The following KCNH1 variants were observed in gnomAD, a reference collection of about 807,000 sequenced individuals.
The protein encoded by KCNH1 is voltage-gated delayed rectifier potassium channel KCNH1.
A neutral mutation model predicts 69.2 loss-of-function variants in KCNH1; 27 were observed. The ratio of observed to expected loss-of-function variants is 0.39; its 90% confidence interval spans 0.29 to 0.54. KCNH1 has a LOEUF of 0.54. Ranked by LOEUF, KCNH1 falls within the 20% of genes least tolerant of loss-of-function variation. The pLI is 0.68. For missense variants in KCNH1, 798 were observed against 1,261.6 expected (o/e 0.63, Z 5.57); for synonymous variants, 456 against 487.7 (o/e 0.93, Z 0.86).
intron 10 of KCNH1, among the ~76,000 whole-genome samples, chr1:210,729,869 G>A (rs939997370): frequency 1.3e-5 from 2 of 152,172 alleles, no homozygotes; most frequent in African/African-American, 4.8e-5. Flanking sequence ...ATGTAATGCT[G>A]TAGCTTTTGC....
chr1:211,128,700 T>C (rs895090581), intron 1 of KCNH1, among the ~76,000 whole-genome samples: 6 of 152,128 alleles, frequency 3.9e-5, no homozygotes, highest in Non-Finnish European at 8.8e-5. Flanking sequence ...TACTGAACAA[T>C]TAAAAAGGTT....
intron 10 of KCNH1, among the ~76,000 whole-genome samples, chr1:210,692,440 G>C (rs1003790508): frequency 6.6e-6 from 1 of 152,068 alleles, no homozygotes; most frequent in South Asian, 2.1e-4. Flanking sequence ...GCTATCCTCC[G>C]GCATTTCACT....
At chr1:210,784,388 C>T (rs1455208269) in intron 9 of KCNH1, among the ~76,000 whole-genome samples, 3 of 152,218 alleles carry the variant, frequency 2.0e-5, no homozygotes, top group Admixed American at 6.5e-5. Context: ...GAACATACAT[C>T]AAAGACAGAC....
chr1:210,987,998 C>T (rs1410839980), intron 6 of KCNH1, among the ~76,000 whole-genome samples: 1 of 152,246 alleles, frequency 6.6e-6, no homozygotes, highest in African/African-American at 2.4e-5. Flanking sequence ...GCCCCTCCCC[C>T]AGCCTCGCTG....
At chr1:210,776,498 T>C (rs573154761) in intron 9 of KCNH1, among the ~76,000 whole-genome samples, 1 of 152,194 alleles carries the variant, frequency 6.6e-6, no homozygotes, top group Non-Finnish European at 1.5e-5. Flanking sequence ...AATTAAGTCA[T>C]GGGGGTGGAG....
intron 4 of KCNH1, among the ~76,000 whole-genome samples, chr1:211,086,287 C>A (rs556985902): frequency 1.3e-5 from 2 of 152,270 alleles, no homozygotes; most frequent in East Asian, 3.9e-4. Flanking sequence ...TCTTCAGTTT[C>A]AGGGGATATT....
At chr1:210,809,782 G>C (rs538644536) in intron 7 of KCNH1, among the ~76,000 whole-genome samples, 6 of 152,210 alleles carry the variant, frequency 3.9e-5, no homozygotes, top group South Asian at 2.1e-4. Context: ...TCTTTCAAAC[G>C]GGCTGGTTTC....
intron 10 of KCNH1, among the ~76,000 whole-genome samples, chr1:210,740,704 ATT>A (rs199727493): frequency 0.029 from 3,437 of 117,132 alleles, 84 homozygotes; most frequent in East Asian, 0.14. Context: ...TTATGATTAA[ATT>A]TTTTTTTTTT....
chr1:211,056,532 C>A (rs1221940163), intron 5 of KCNH1, among the ~76,000 whole-genome samples: 1 of 152,024 alleles, frequency 6.6e-6, no homozygotes, highest in Non-Finnish European at 1.5e-5. Flanking sequence ...AGCCCTTGGG[C>A]CTTGAGTGAA....
Position 210,919,295 on chromosome 1 carries a change from G to A in KCNH1, c.1462+345C>T, listed in dbSNP as rs1248706386. On this transcript the variant is annotated intron_variant, in intron 7 of 10. Transcript: ENST00000271751. The surrounding 1 kb of genome is among the most constrained non-coding windows in gnomAD (Gnocchi z 4.2). ...TTCTATGAGTAGTTTACTAAAGTGC[G>A]TATGCAGCAAGATCTCATTTTAAGT... 15 of 192,060 alleles carry A rather than the reference G, an allele frequency of 7.8e-5. No individual in the cohort carries two copies. The highest frequency in any genetic ancestry group is 5.8e-4 in the East Asian group (5 of 8,584). The allele number at this position is 192,060 out of a possible 1,614,324, so 11.9% of individuals were successfully genotyped here. A position where few individuals can be genotyped will look rare whatever the true frequency, so the allele number is the denominator to read the frequency against.
chr1:211,008,064 A>G (rs1689318129), intron 6 of KCNH1, among the ~76,000 whole-genome samples: 1 of 152,218 alleles, frequency 6.6e-6, no homozygotes. Context: ...TATACCCAAA[A>G]GAATTAAAAG....
rs1681310510 is a variant in KCNH1, at chr1:210,683,055, G to A, written c.*226C>T. ...AGCATGTCCCTTCTTCCAAAATTGT[G>A]CAAAGACGGTTCAGATGCAGCTGCC... On this transcript the variant is annotated 3_prime_UTR_variant, in exon 11 of 11. Transcript: ENST00000271751. This position sits in a 1 kb window ranked among gnomAD's most constrained non-coding sequence, Gnocchi z 5.7. 2 of 588,172 alleles carry A rather than the reference G, an allele frequency of 3.4e-6. No homozygotes were observed. The highest frequency in any genetic ancestry group is 2.8e-5 in the East Asian group (1 of 36,018). The allele number at this position is 588,172 out of a possible 1,614,324, so 36.4% of individuals were successfully genotyped here. A position where few individuals can be genotyped will look rare whatever the true frequency, so the allele number is the denominator to read the frequency against.
chr1:210,881,585 G>T lies in KCNH1; in HGVS notation c.1462+38055C>A, dbSNP rs931689752. 3.2e-4 allele frequency among the ~76,000 whole-genome samples: 48 copies of T among 152,128 alleles called. 1 individual carries two copies. The highest frequency in any genetic ancestry group is 1.2e-3 in the African/African-American group (48 of 41,420). ...ATGCCCACACAAAAACCTGCACATA[G>T]ATATTTACAGTAGCTTTATTCATAA... On this transcript the variant is annotated intron_variant, in intron 7 of 10. Transcript: ENST00000271751.
At chr1:211,090,475 C>T in intron 4 of KCNH1, 87 bp downstream of exon 4, 1 of 1,199,158 alleles carries the variant, frequency 8.3e-7, no homozygotes, top group Non-Finnish European at 1.2e-6. Flanking sequence ...AAAGTGATTG[C>T]CTTGACAACC....
chr1:211,072,766 A>G (rs966455767), intron 5 of KCNH1, among the ~76,000 whole-genome samples: 5 of 152,224 alleles, frequency 3.3e-5, no homozygotes, highest in African/African-American at 9.6e-5. Context: ...GTTGAATCAC[A>G]TAAAATGCTC....
At chr1:210,958,805 T>C (rs935771497) in intron 6 of KCNH1, among the ~76,000 whole-genome samples, 6 of 151,890 alleles carry the variant, frequency 4.0e-5, no homozygotes. Context: ...TAGGTAGCCA[T>C]TCGTCTAACC....
At chr1:210,837,822 T>G (rs949705393) in intron 7 of KCNH1, among the ~76,000 whole-genome samples, 3 of 152,158 alleles carry the variant, frequency 2.0e-5, no homozygotes, top group African/African-American at 7.2e-5. Context: ...TTTAGAGGGT[T>G]AAATGAACTA....
intron 10 of KCNH1, among the ~76,000 whole-genome samples, chr1:210,738,776 G>A (rs1682945404): frequency 6.6e-6 from 1 of 151,610 alleles, no homozygotes; most frequent in South Asian, 2.1e-4. Flanking sequence ...ATGTTTCCCA[G>A]GCTGATCTTG....
chr1:210,979,215 A>G (rs1345722108), intron 6 of KCNH1, among the ~76,000 whole-genome samples: 1 of 152,226 alleles, frequency 6.6e-6, no homozygotes, highest in Non-Finnish European at 1.5e-5. Context: ...ACAAAGCTGT[A>G]GTAGGAGGAG....
Sources: allele counts gnomAD v4.1 joint callset (sites outside exome capture counted in the v4.1 genomes callset), GRCh38; gene constraint gnomAD v4.1.1; non-coding constraint Gnocchi (gnomAD v3.1); transcripts MANE v1.5; gene names NCBI Gene and HGNC (gene_info 2026-07-23, HGNC 2026-07-21).